KMT5B: variants seen among roughly 807,000 people sequenced by gnomAD.
The protein encoded by KMT5B is lysine methyltransferase 5B, also known as histone-lysine N-methyltransferase KMT5B.
A neutral mutation model predicts 83.2 loss-of-function variants in KMT5B; 10 were observed. The ratio of observed to expected loss-of-function variants is 0.12; its 90% CI spans 0.07 to 0.20. The LOEUF (loss-of-function observed/expected upper bound fraction) is 0.20, where lower values mean the gene tolerates loss of function less well. KMT5B is among the 10% of genes least tolerant of loss of function. The pLI, the probability that KMT5B is intolerant of heterozygous loss-of-function variation, is 1.00. For missense variants in KMT5B, 753 were observed against 1,067.2 expected (o/e 0.71, Z 4.10); for synonymous variants, 349 against 388.8 (o/e 0.90, Z 1.20).
At chr11:68,202,827 G>A (rs941403020) in intron 1 of KMT5B, among the ~76,000 whole-genome samples, 2 of 152,008 alleles carry the variant, frequency 1.3e-5, no homozygotes, top group African/African-American at 4.8e-5. Flanking sequence ...GATTACAGGC[G>A]TAAGCCACTG....
intron 10 of KMT5B, chr11:68,166,620 AG>A: frequency 9.6e-7 from 1 of 1,040,404 alleles, no homozygotes; most frequent in Non-Finnish European, 1.2e-6. Context: ...GAATGTATAG[AG>A]TCTAATTTAA....
rs527486561 is a variant in KMT5B, at chr11:68,188,568, G to C, written c.160+1349C>G. 2.0e-5 allele frequency among the ~76,000 whole-genome samples: 3 copies of C among 151,968 alleles called. No individual in the cohort carries two copies. In the East Asian group the frequency reaches 5.8e-4, roughly 30 times the overall value. ...ACACAGGGTTTCACCATGTTGCCCA[G>C]GCTGGTCTCAAACTCCTGGACTTAA... On this transcript the variant is annotated intron_variant, in intron 2 of 10. Transcript: ENST00000304363.
chr11:68,180,036 T>C, intron 4 of KMT5B, 96 bp downstream of exon 4: 5 of 1,375,362 alleles, frequency 3.6e-6, no homozygotes, highest in Non-Finnish European at 4.9e-6. Context: ...AACTCTAATT[T>C]ATGCTGACAC....
At chr11:68,164,560 A>G (rs1420378501) in intron 10 of KMT5B, 1 of 453,958 alleles carries the variant, frequency 2.2e-6, no homozygotes, top group Non-Finnish European at 4.5e-6. Flanking sequence ...TTAACATACA[A>G]TGGTCTCAGA....
At chr11:68,198,662 C>T (rs563338312) in intron 1 of KMT5B, among the ~76,000 whole-genome samples, 1 of 152,332 alleles carries the variant, frequency 6.6e-6, no homozygotes, top group South Asian at 2.1e-4. Context: ...CCACTGACTA[C>T]ATTTAGAAGT....
intron 1 of KMT5B, among the ~76,000 whole-genome samples, chr11:68,195,521 T>C (rs1449375314): frequency 6.6e-6 from 1 of 152,148 alleles, no homozygotes; most frequent in African/African-American, 2.4e-5. Context: ...CCTGGGAAGG[T>C]AGGTGATTTA....
intron 9 of KMT5B, among the ~76,000 whole-genome samples, chr11:68,168,733 G>A (rs1855557887): frequency 6.6e-6 from 1 of 152,190 alleles, no homozygotes; most frequent in Admixed American, 6.5e-5. Flanking sequence ...TGCTTCAAAT[G>A]TATCCTGGAG....
At chr11:68,181,721 G>C (rs1328567684) in intron 3 of KMT5B, among the ~76,000 whole-genome samples, 2 of 152,210 alleles carry the variant, frequency 1.3e-5, no homozygotes, top group Admixed American at 1.3e-4. Context: ...TGAAGAGCTA[G>C]AAGGGATAGT....
intron 2 of KMT5B, among the ~76,000 whole-genome samples, chr11:68,187,277 C>T (rs1242173217): frequency 6.6e-6 from 1 of 152,158 alleles, no homozygotes; most frequent in Non-Finnish European, 1.5e-5. Flanking sequence ...GGATTACAGG[C>T]GTGAGCCACC....
chr11:68,207,052 C>T (rs1860209158), intron 1 of KMT5B, among the ~76,000 whole-genome samples: 1 of 152,004 alleles, frequency 6.6e-6, no homozygotes, highest in South Asian at 2.1e-4. Context: ...ACCATCCTGG[C>T]TAACACGGTG....
intron 10 of KMT5B, among the ~76,000 whole-genome samples, chr11:68,164,948 AGTTT>A (rs1321406739): frequency 9.2e-5 from 14 of 152,358 alleles, no homozygotes; most frequent in Admixed American, 5.2e-4. Context: ...GTAAGTATTT[AGTTT>A]GTTAATATAT....
chr11:68,181,504 C>T (rs186629109), intron 3 of KMT5B, among the ~76,000 whole-genome samples: 62 of 152,232 alleles, frequency 4.1e-4, no homozygotes, highest in African/African-American at 1.4e-3. Context: ...ACAAAGAGCG[C>T]ACTATACAAG....
chr11:68,163,287 G>A (rs1177743043), intron 10 of KMT5B, among the ~76,000 whole-genome samples: 1 of 152,200 alleles, frequency 6.6e-6, no homozygotes, highest in African/African-American at 2.4e-5. Context: ...AAGGGAAAGC[G>A]ATTAAAGCTA....
At chr11:68,200,726 AT>A (rs1394950307) in intron 1 of KMT5B, among the ~76,000 whole-genome samples, 1 of 152,216 alleles carries the variant, frequency 6.6e-6, no homozygotes, top group Non-Finnish European at 1.5e-5. Context: ...AAATCTCTGG[AT>A]GGGAGTAATA....
chr11:68,180,839 CTT>C (rs920824648), intron 3 of KMT5B, among the ~76,000 whole-genome samples: 1 of 151,866 alleles, frequency 6.6e-6, no homozygotes, highest in African/African-American at 2.4e-5. Context: ...AACAACAACT[CTT>C]TTTTTCTTGT....
intron 1 of KMT5B, among the ~76,000 whole-genome samples, chr11:68,196,771 G>A (rs773545440): frequency 5.9e-5 from 9 of 151,908 alleles, no homozygotes; most frequent in Admixed American, 1.3e-4. Context: ...AAAGAACCAG[G>A]ACCAGGAAAA....
intron 4 of KMT5B, among the ~76,000 whole-genome samples, chr11:68,177,001 T>C (rs1402928654): frequency 6.6e-6 from 1 of 152,154 alleles, no homozygotes; most frequent in African/African-American, 2.4e-5. Context: ...GAATTTTTTT[T>C]CCTAGAGAAG....
At chr11:68,196,018 G>A (rs543847852) in intron 1 of KMT5B, among the ~76,000 whole-genome samples, 42 of 152,232 alleles carry the variant, frequency 2.8e-4, no homozygotes, top group Middle Eastern at 3.4e-3. Context: ...TTAGCTAGGT[G>A]TGGTGGTATG....
chr11:68,177,052 G>A (rs977454227), intron 4 of KMT5B, among the ~76,000 whole-genome samples: 2 of 152,112 alleles, frequency 1.3e-5, no homozygotes, highest in African/African-American at 2.4e-5. Context: ...AAGATTTCAA[G>A]CCACAGTATT....
Sources: allele counts gnomAD v4.1 joint callset (sites outside exome capture counted in the v4.1 genomes callset), GRCh38; gene constraint gnomAD v4.1.1; transcripts MANE v1.5; gene names NCBI Gene and HGNC (gene_info 2026-07-23, HGNC 2026-07-21).